Variants in ZNF790 observed in about 807,000 individuals in gnomAD.
The protein encoded by ZNF790 is zinc finger protein 790.
A neutral mutation model predicts 12.1 loss-of-function variants in ZNF790; 8 were observed. The observed-to-expected ratio is 0.66, with a 90% CI of 0.39 to 1.19. The LOEUF is 1.19. ZNF790 is among the 50% of genes most tolerant of loss of function. The probability of loss-of-function intolerance (pLI) is 0.01; values close to 1 mark genes in which losing one functional copy is unlikely to be tolerated. For synonymous variants in ZNF790, 252 were observed against 244.3 expected (o/e 1.03, Z -0.29); for missense variants, 707 against 752.2 (o/e 0.94, Z 0.70).
intron 1 of ZNF790, among the ~76,000 whole-genome samples, chr19:36,846,960 G>A (rs2072185954): frequency 6.6e-6 from 1 of 152,190 alleles, no homozygotes; most frequent in Non-Finnish European, 1.5e-5. Context: ...ATATTGTGAT[G>A]TAATAAGAAA....
At chr19:36,836,840 T>A (rs1356816320) in intron 1 of ZNF790, among the ~76,000 whole-genome samples, 2 of 152,182 alleles carry the variant, frequency 1.3e-5, no homozygotes, top group African/African-American at 4.8e-5. Flanking sequence ...CCCATAGTTA[T>A]CAGCCTATGA....
chr19:36,844,292 T>C (rs1037997544), intron 1 of ZNF790, among the ~76,000 whole-genome samples: 9 of 129,370 alleles, frequency 7.0e-5, no homozygotes, highest in African/African-American at 2.6e-4. Context: ...GCCTGAGCAA[T>C]AAAGCAAGAC....
intron 1 of ZNF790, among the ~76,000 whole-genome samples, chr19:36,833,128 C>T (rs2071975171): frequency 6.6e-6 from 1 of 152,044 alleles, no homozygotes; most frequent in Admixed American, 6.6e-5. Context: ...ATATATGTAA[C>T]ATACAATATC....
chr19:36,823,992 CTTTTTTTTTTTT>C (rs779735213), intron 2 of ZNF790, among the ~76,000 whole-genome samples: 1 of 104,380 alleles, frequency 9.6e-6, no homozygotes, highest in Non-Finnish European at 1.8e-5. Context: ...TCTACATGCT[CTTTTTTTTTTTT>C]TTTTTTTTTG....
chr19:36,839,046 C>T (rs1015647024), upstream of ZNF790, among the ~76,000 whole-genome samples: 7 of 152,228 alleles, frequency 4.6e-5, no homozygotes, highest in Admixed American at 3.3e-4. Context: ...TTATTCCCAT[C>T]CTCCAATCGC....
At chr19:36,843,811 C>T (rs1214732450) in intron 1 of ZNF790, among the ~76,000 whole-genome samples, 1 of 150,504 alleles carries the variant, frequency 6.6e-6, no homozygotes, top group African/African-American at 2.5e-5. Flanking sequence ...GAGTTCGAGA[C>T]CAGCCTGACA....
chr19:36,819,507 C>A lies in ZNF790; in HGVS notation c.837G>T (p.Glu279Asp). Residue 279 changes from glutamate (E) to aspartate (D), a missense_variant, in exon 5 of 5, where the codon GAG becomes GAT. Physicochemically the swap from Glu to Asp is conservative, Grantham distance 45 (BLOSUM62 2). Transcript: ENST00000356725. ...LSVHKRIHTGEKSYECKECGK... is the reference protein window; with the variant it reads ...LSVHKRIHTGDKSYECKECGK... ...CACATTCCTTACATTCATAAGATTT[C>A]TCACCAGTATGAATTCGCTTATGGA... The A allele has an allele frequency of 1.2e-6, 2 of 1,612,518 alleles. No individual in the cohort carries two copies. Among genetic ancestry groups the A allele is most frequent in the Non-Finnish European group, 1.7e-6 (2 of 1,179,078 alleles).
rs2071617383 is a variant in ZNF790, at chr19:36,819,439, C to T, written c.905G>A (p.Arg302Lys). Residue 302 changes from arginine (R) to lysine (K), a missense_variant, in exon 5 of 5, where the codon AGA becomes AAA. Coordinates refer to ENST00000356725, the MANE Select transcript of ZNF790 (RefSeq NM_206894.4). ...SCGSDLTRHQRIHTGEKPYEC... is the reference protein window; with the variant it reads ...SCGSDLTRHQKIHTGEKPYEC... ...ATAGGGTTTTTCACCAGTATGAATT[C>T]TCTGATGTCGAGTAAGATCTGAGCC... is the stretch of plus-strand genomic sequence containing the variant. 4 of 1,609,998 alleles carry T rather than the reference C, an allele frequency of 2.5e-6. No homozygotes were observed. The highest frequency in any genetic ancestry group is 1.3e-5 in the African/African-American group (1 of 74,702).
At chr19:36,829,157 C>T (rs968322632) in intron 1 of ZNF790, among the ~76,000 whole-genome samples, 3 of 151,998 alleles carry the variant, frequency 2.0e-5, no homozygotes, top group Admixed American at 1.3e-4. Context: ...ACAATTAAGC[C>T]ATTTACAGTG....
intron 1 of ZNF790, among the ~76,000 whole-genome samples, chr19:36,848,024 C>G (rs931435865): frequency 2.0e-5 from 3 of 152,166 alleles, no homozygotes; most frequent in Admixed American, 6.5e-5. Flanking sequence ...AAATAATTTT[C>G]TATTATTTAC....
intron 1 of ZNF790, among the ~76,000 whole-genome samples, chr19:36,831,442 T>C (rs2071943349): frequency 6.6e-6 from 1 of 152,036 alleles, no homozygotes. Flanking sequence ...AACTAGCTAG[T>C]GCAGCGGCAT....
chr19:36,848,898 A>G lies in ZNF790; in HGVS notation c.-74+1104T>C, dbSNP rs535287261. On this transcript the variant is annotated intron_variant, in intron 1 of 4. Transcript: ENST00000528994. ...AACCTCTGTCTGCCGGGTTCAAGCC[A>G]TTCTCCTGCGTCAGCCTCCAAAGTA... is the stretch of plus-strand genomic sequence containing the variant. 7.2e-5 allele frequency among the ~76,000 whole-genome samples: 11 copies of G among 152,224 alleles called. No individual in the cohort carries two copies. In the South Asian group the frequency reaches 2.1e-3, roughly 29 times the overall value.
intron 1 of ZNF790, among the ~76,000 whole-genome samples, chr19:36,844,442 C>G (rs1358782131): frequency 6.6e-6 from 1 of 151,586 alleles, no homozygotes; most frequent in African/African-American, 2.4e-5. Flanking sequence ...TAGGCAAGGA[C>G]TTTTTAAAAA....
At chr19:36,842,838 T>C (rs1379455896), upstream of ZNF790, among the ~76,000 whole-genome samples, 1 of 151,770 alleles carries the variant, frequency 6.6e-6, no homozygotes, top group Non-Finnish European at 1.5e-5. Context: ...ACCCTGTCTC[T>C]ACTAAAAATA....
At chr19:36,845,943 G>A (rs569875525) in intron 1 of ZNF790, among the ~76,000 whole-genome samples, 1 of 151,940 alleles carries the variant, frequency 6.6e-6, no homozygotes, top group African/African-American at 2.4e-5. Context: ...CCAGTAGCTG[G>A]GATTACAGGA....
intron 1 of ZNF790, among the ~76,000 whole-genome samples, chr19:36,835,839 T>C (rs763779958): frequency 8.6e-5 from 13 of 151,582 alleles, no homozygotes; most frequent in Non-Finnish European, 1.8e-4. Flanking sequence ...ACCATTCTTC[T>C]GCGGTCACAT....
In ZNF790 at chr19:36,819,509, C is replaced by G. The variant is rs1371338147; in HGVS notation, c.835G>C (p.Glu279Gln). 1 of 1,612,546 alleles carries G rather than the reference C, an allele frequency of 6.2e-7. No individual in the cohort carries two copies. Among genetic ancestry groups the G allele is most frequent in the Admixed American group, 1.7e-5 (1 of 59,784 alleles). Residue 279 changes from glutamate (E) to glutamine (Q), a missense_variant, in exon 5 of 5, where the codon GAG becomes CAG. Coordinates refer to ENST00000356725, the MANE Select transcript of ZNF790 (RefSeq NM_206894.4). ...LSVHKRIHTG[E>Q]KSYECKECGK... ...CATTCCTTACATTCATAAGATTTCT[C>G]ACCAGTATGAATTCGCTTATGGACA...
intron 1 of ZNF790, among the ~76,000 whole-genome samples, chr19:36,828,690 T>C (rs2071884333): frequency 6.6e-6 from 1 of 152,198 alleles, no homozygotes; most frequent in South Asian, 2.1e-4. Context: ...TTGCCCAGGC[T>C]GTTCTCAAAC....
chr19:36,845,067 A>G (rs1405809092), intron 1 of ZNF790, among the ~76,000 whole-genome samples: 2 of 149,874 alleles, frequency 1.3e-5, no homozygotes, highest in African/African-American at 2.4e-5. Context: ...AAAAAAAAAA[A>G]AAAAAAAGAA....
Sources: allele counts gnomAD v4.1 joint callset (sites outside exome capture counted in the v4.1 genomes callset), GRCh38; gene constraint gnomAD v4.1.1; transcripts MANE v1.5; gene names NCBI Gene and HGNC (gene_info 2026-07-23, HGNC 2026-07-21).